CIZ1: variants seen among roughly 807,000 people sequenced by gnomAD.
The protein encoded by CIZ1 is CDKN1A interacting zinc finger protein 1.
A neutral mutation model predicts 118.6 loss-of-function variants in CIZ1; 58 were observed. The observed-to-expected ratio is 0.49, with a 90% CI of 0.40 to 0.61. CIZ1 has a LOEUF of 0.61. Ranked by LOEUF, CIZ1 falls within the 20% of genes least tolerant of loss-of-function variation. The probability of loss-of-function intolerance (pLI) is 0.00; values close to 1 mark genes in which losing one functional copy is unlikely to be tolerated. For synonymous variants in CIZ1, 448 were observed against 443.4 expected (o/e 1.01, Z -0.13); for missense variants, 921 against 1,115.9 (o/e 0.83, Z 2.49).
chr9:128,200,946 C>A (rs951047361), intron 1 of CIZ1, among the ~76,000 whole-genome samples: 18 of 151,248 alleles, frequency 1.2e-4, no homozygotes, highest in Non-Finnish European at 7.4e-5. Context: ...CCATCCCGGC[C>A]GACATGGTGA....
chr9:128,179,283 C>T lies in CIZ1; in HGVS notation c.924G>A (p.Leu308=). ...GCAGGACCCGTGGCTGGAATCGTGG[C>T]AGCACTTGGGCTTCCAGGGCCTCAG... The part of the protein sequence containing the change: ...LLPEALEAQV[L]PRFQPRVLQV... Residue 308 remains leucine (L), a synonymous_variant, in exon 8 of 17, where the codon CTG becomes CTA. Coordinates refer to ENST00000372938, the MANE Select transcript of CIZ1 (RefSeq NM_001131016.2). 6.2e-7 allele frequency: 1 copy of T among 1,614,164 alleles called. No individual in the cohort carries two copies. Among genetic ancestry groups the T allele is most frequent in the Non-Finnish European group, 8.5e-7 (1 of 1,180,042 alleles).
At chr9:128,178,132 G>C (rs1223092537) in intron 9 of CIZ1, among the ~76,000 whole-genome samples, 2 of 152,048 alleles carry the variant, frequency 1.3e-5, no homozygotes, top group African/African-American at 4.8e-5. Flanking sequence ...GCTCTGGCTT[G>C]GGGATGGGCA....
Position 128,167,092 on chromosome 9 carries a change from T to G in CIZ1, c.2365+3A>C, listed in dbSNP as rs767974380. The G allele has an allele frequency of 1.9e-6, 3 of 1,596,602 alleles. No individual in the cohort carries two copies. Among genetic ancestry groups the G allele is most frequent in the Non-Finnish European group, 2.6e-6 (3 of 1,170,846 alleles). Reference sequence around the variant, plus strand: ...GCAGGTGGGCTCAGAGCTGGGGCCTTACCATATGCAGTATTGGGGCTGTAG... The same window carrying G: ...GCAGGTGGGCTCAGAGCTGGGGCCTGACCATATGCAGTATTGGGGCTGTAG... On this transcript the variant is annotated splice_donor_region_variant and intron_variant, in intron 15 of 16. Transcript: ENST00000372938.
At chr9:128,184,489 A>ATT (rs35204850) in intron 5 of CIZ1, among the ~76,000 whole-genome samples, 2,554 of 112,052 alleles carry the variant, frequency 0.023, 122 homozygotes, top group East Asian at 0.052. Flanking sequence ...GGCAGTGCTG[A>ATT]TTTTTTTTTT....
At chr9:128,199,139 G>A (rs1039068510) in intron 1 of CIZ1, among the ~76,000 whole-genome samples, 1 of 151,496 alleles carries the variant, frequency 6.6e-6, no homozygotes, top group African/African-American at 2.4e-5. Context: ...AGGCCGAGGT[G>A]AGTGGATCAC....
chr9:128,176,766 C>T (rs1830903682), intron 10 of CIZ1, among the ~76,000 whole-genome samples: 1 of 152,208 alleles, frequency 6.6e-6, no homozygotes, highest in South Asian at 2.1e-4. Flanking sequence ...AGTAACACAG[C>T]TCACAGCACA....
At chr9:128,191,813 C>T (rs1833192441), upstream of CIZ1, 3 of 1,450,784 alleles carry the variant, frequency 2.1e-6, no homozygotes, top group Non-Finnish European at 9.1e-7. This position sits in a 1 kb window ranked among gnomAD's most constrained non-coding sequence, Gnocchi z 5.5. Context: ...TCAGCCATCC[C>T]GCGGGGCATC....
chr9:128,201,897 A>T (rs1833533861), intron 1 of CIZ1, among the ~76,000 whole-genome samples: 1 of 152,122 alleles, frequency 6.6e-6, no homozygotes, highest in African/African-American at 2.4e-5. Context: ...CTTGTTCCCC[A>T]TGCCTGCCTC....
At chr9:128,191,668 A>G, upstream of CIZ1, 2 of 1,277,704 alleles carry the variant, frequency 1.6e-6, no homozygotes, top group South Asian at 4.5e-5. This position sits in a 1 kb window ranked among gnomAD's most constrained non-coding sequence, Gnocchi z 5.5. Context: ...CCCAGTGCAC[A>G]AGTCACGCTG....
At chr9:128,192,151 A>T (rs1366070393), upstream of CIZ1, among the ~76,000 whole-genome samples, 1 of 152,138 alleles carries the variant, frequency 6.6e-6, no homozygotes, top group Non-Finnish European at 1.5e-5. Context: ...GTACTCTGGG[A>T]GGCCGAGGCT....
At chr9:128,172,034 G>A (rs1425886775) in intron 11 of CIZ1, among the ~76,000 whole-genome samples, 4 of 151,148 alleles carry the variant, frequency 2.6e-5, no homozygotes, top group South Asian at 4.2e-4. Context: ...GTTCACGCCT[G>A]TAATCCCAGC....
intron 11 of CIZ1, among the ~76,000 whole-genome samples, chr9:128,172,259 A>G (rs558080623): frequency 6.6e-6 from 1 of 152,194 alleles, no homozygotes; most frequent in East Asian, 1.9e-4. Context: ...TTGGGAGGCC[A>G]AGGCAGGCGG....
In CIZ1 at chr9:128,187,853, C is replaced by T. The variant is rs757299665; in HGVS notation, c.358+10G>A. On this transcript the variant is annotated intron_variant, in intron 4 of 16. Transcript: ENST00000372938. ...TACATTTATATATATATATAAAAAG[C>T]ATATAATACCCAGTGTTGCTGTGGG... 8.9e-5 allele frequency: 61 copies of T among 682,576 alleles called. No individual in the cohort carries two copies. The South Asian group carries it at 1.1e-3, about 12-fold the overall frequency. 42.3% of individuals were successfully genotyped at this position (682,576 alleles called of 1,614,324 possible). A position where few individuals can be genotyped will look rare whatever the true frequency, so the allele number is the denominator to read the frequency against.
rs74317296 is a variant in CIZ1 at position 128,202,803 on chromosome 9, T to A, written c.-6+1383A>T. The A allele has an allele frequency of 4.0e-3, 611 of 152,334 alleles. 4 individuals carry two copies. The highest frequency in any genetic ancestry group is 0.013 in the African/African-American group (543 of 41,560). 9.4% of individuals were successfully genotyped at this position (152,334 alleles called of 1,614,324 possible). A position where few individuals can be genotyped will look rare whatever the true frequency, so the allele number is the denominator to read the frequency against. On this transcript the variant is annotated intron_variant, in intron 1 of 17. Coordinates refer to the CIZ1 transcript ENST00000372948. The stretch of plus-strand genomic sequence containing the variant: ...TCTCCCCAGCTTGATGCAAGATCTA[T>A]GAGGGCAGAGGCCTTGGCTGTCTTA...
In CIZ1 at chr9:128,166,151, T is replaced by G; in HGVS notation, c.*46A>C. 6 of 1,283,254 alleles carry G rather than the reference T, an allele frequency of 4.7e-6. No homozygotes were observed. Among genetic ancestry groups the G allele is most frequent in the Non-Finnish European group, 6.3e-6 (6 of 959,254 alleles). 79.5% of individuals were successfully genotyped at this position (1,283,254 alleles called of 1,614,324 possible). A position where few individuals can be genotyped will look rare whatever the true frequency, so the allele number is the denominator to read the frequency against. On this transcript the variant is annotated 3_prime_UTR_variant, in exon 17 of 17. Coordinates refer to ENST00000372938, the MANE Select transcript of CIZ1 (RefSeq NM_001131016.2). This position sits in a 1 kb window ranked among gnomAD's most constrained non-coding sequence, Gnocchi z 4.4. ...TTCCAGGCAGACTCCTAAAAAGCAT[T>G]AGCAGATCTGGACCCAGGCAGGCCA...
intron 14 of CIZ1, 75 bp downstream of exon 14, chr9:128,168,977 C>T (rs961076573): frequency 1.6e-5 from 25 of 1,594,842 alleles, no homozygotes; most frequent in Middle Eastern, 1.7e-4. Context: ...GTCTGGCCTC[C>T]GGGAGGTGGG....
intron 14 of CIZ1, among the ~76,000 whole-genome samples, chr9:128,167,911 G>A (rs1478129553): frequency 6.6e-6 from 1 of 152,196 alleles, no homozygotes; most frequent in Non-Finnish European, 1.5e-5. Flanking sequence ...TGTTACTTCT[G>A]AGCAGAGGCA....
At chr9:128,177,528 G>GCCCCCCCCCCCCCC in intron 10 of CIZ1, 38 bp downstream of exon 10, 4 of 1,164,630 alleles carry the variant, frequency 3.4e-6, no homozygotes, top group Non-Finnish European at 4.7e-6. Flanking sequence ...TTCCACGCAG[G>GCCCCCCCCCCCCCC]CCCCACCCCT....
intron 10 of CIZ1, 28 bp downstream of exon 10, chr9:128,177,538 T>TAAAAA: frequency 1.5e-5 from 6 of 395,088 alleles, no homozygotes; most frequent in Non-Finnish European, 2.4e-5. Context: ...GCCCCACCCC[T>TAAAAA]CCCCACCCTT....
Sources: gnomAD v4.1 joint callset for allele counts (sites outside exome capture counted in the v4.1 genomes callset) on GRCh38, gnomAD v4.1.1 for gene constraint, Gnocchi (gnomAD v3.1) non-coding constraint, MANE v1.5 for transcripts, NCBI Gene and HGNC (gene_info 2026-07-23, HGNC 2026-07-21) for gene names.